Variants in PROZ observed in about 807,000 individuals in gnomAD.
The protein encoded by PROZ is vitamin K-dependent protein Z.
PROZ carries 46 observed loss-of-function variants against 34.9 expected under a neutral mutation model. The observed-to-expected ratio is 1.32, with a 90% CI of 1.04 to 1.69. The LOEUF is 1.69. Ranked by LOEUF, PROZ falls within the 40% of genes most tolerant of loss-of-function variation. PROZ has a pLI of 0.00. For synonymous variants in PROZ, 195 were observed against 208.5 expected (o/e 0.94, Z 0.56); for missense variants, 530 against 520.4 (o/e 1.02, Z -0.18).
chr13:113,170,318 T>TG (rs1235222119), intron 6 of PROZ, 95 bp from the exon 7 acceptor site: 21 of 597,668 alleles, frequency 3.5e-5, no homozygotes, highest in African/African-American at 1.0e-4. Flanking sequence ...GGGGTGGGGG[T>TG]GGGGGGGTGG....
At chr13:113,164,302 A>T (rs538112242) in intron 4 of PROZ, among the ~76,000 whole-genome samples, 1 of 152,084 alleles carries the variant, frequency 6.6e-6, no homozygotes, top group Non-Finnish European at 1.5e-5. Context: ...TTTGTTCTAC[A>T]TGCACATTCC....
intron 6 of PROZ, among the ~76,000 whole-genome samples, chr13:113,168,553 G>A (rs2037016212): frequency 6.6e-6 from 1 of 152,190 alleles, no homozygotes; most frequent in Non-Finnish European, 1.5e-5. Context: ...GTCCTTACCT[G>A]TGGCACTTTT....
chr13:113,159,731 T>C lies in PROZ; in HGVS notation c.71-283T>C, dbSNP rs1262949081. On this transcript the variant is annotated intron_variant, in intron 1 of 7. Coordinates refer to ENST00000375547, the MANE Select transcript of PROZ (RefSeq NM_003891.3). The surrounding 1 kb of genome is among the most constrained non-coding windows in gnomAD (Gnocchi z 4.6). ...TTCGCACTCAGACCCAAAACCCAGT[T>C]GGAGCCCTCCCTCCTCCACTTTCCT... 1.3e-5 allele frequency among the ~76,000 whole-genome samples: 2 copies of C among 152,348 alleles called. No homozygotes were observed.
At chr13:113,164,666 G>A (rs927757476) in intron 5 of PROZ, 22 bp downstream of exon 5, 4 of 1,612,652 alleles carry the variant, frequency 2.5e-6, no homozygotes, top group African/African-American at 1.3e-5. Context: ...GACCACAGCG[G>A]CCTCCAGCTT....
chr13:113,167,718 T>G (rs1453753647), intron 6 of PROZ, among the ~76,000 whole-genome samples: 1 of 152,240 alleles, frequency 6.6e-6, no homozygotes, highest in African/African-American at 2.4e-5. Flanking sequence ...TATAATTGGC[T>G]TTCATTTTTA....
chr13:113,160,861 A>C (rs2036746651), intron 2 of PROZ, 87 bp from the exon 3 acceptor site: 1 of 1,235,112 alleles, frequency 8.1e-7, no homozygotes, highest in Non-Finnish European at 1.2e-6. Flanking sequence ...TAAAATCAAC[A>C]TTTTCTTACC....
At position 113,172,255 on chromosome 13, in the gene PROZ, G is replaced by A. The variant is rs945355575; in HGVS notation, c.*150G>A. ...GCTTGGCCCACGCAGCAGCAGAGCC[G>A]CCGTTTGCTGGGTTGTTTACCGAGC... On this transcript the variant is annotated 3_prime_UTR_variant, in exon 8 of 8. Coordinates refer to ENST00000375547, the MANE Select transcript of PROZ (RefSeq NM_003891.3). 3.4e-5 allele frequency: 37 copies of A among 1,078,934 alleles called. No individual in the cohort carries two copies. Among genetic ancestry groups the A allele is most frequent in the African/African-American group, 2.2e-4 (14 of 64,024 alleles). 66.8% of individuals were successfully genotyped at this position (1,078,934 alleles called of 1,614,324 possible). A position where few individuals can be genotyped will look rare whatever the true frequency, so the allele number is the denominator to read the frequency against.
chr13:113,162,926 ATTCCTGTCACCACCCC>A (rs2036787837), intron 3 of PROZ, 67 bp from the exon 4 acceptor site: 2 of 446,294 alleles, frequency 4.5e-6, no homozygotes, highest in African/African-American at 6.3e-5. Context: ...TCAGGTCCCC[ATTCCTGTCACCACCCC>A]CACCCTCCTC....
chr13:113,161,014 G>A (rs41286612), intron 3 of PROZ, 42 bp downstream of exon 3: 76,892 of 1,570,852 alleles, frequency 0.049, 2,194 homozygotes, highest in Middle Eastern at 0.084. Flanking sequence ...TTAATTCCTC[G>A]GGATGAGGTG....
intron 6 of PROZ, among the ~76,000 whole-genome samples, chr13:113,167,323 A>G (rs544956517): frequency 6.6e-6 from 1 of 152,344 alleles, no homozygotes; most frequent in South Asian, 2.1e-4. Flanking sequence ...AACAAGTGGC[A>G]GCTATTATTC....
chr13:113,168,696 A>G (rs2037019865), intron 6 of PROZ, among the ~76,000 whole-genome samples: 2 of 152,200 alleles, frequency 1.3e-5, no homozygotes, highest in Admixed American at 1.3e-4. Flanking sequence ...TTTGTGGGCT[A>G]ATATCGCTTG....
chr13:113,164,987 A>G, intron 5 of PROZ, 66 bp from the exon 6 acceptor site: 1 of 1,471,568 alleles, frequency 6.8e-7, no homozygotes, highest in Non-Finnish European at 9.5e-7. Context: ...TTAACACCAT[A>G]GACAGAGTCC....
rs759057455 is a variant in PROZ, at chr13:113,160,094, G to A, written c.151G>A (p.Glu51Lys). Residue 51 changes from glutamate to lysine, a missense_variant, in exon 2 of 8, where the codon GAG (glutamate) becomes AAG (lysine). Glu to Lys is a moderately conservative substitution (Grantham distance 56). Transcript: ENST00000375547. The stretch of plus-strand genomic sequence containing the variant: ...CTCCTATCTTCTGGAAGAACTCTTC[G>A]AGGGAAACTTGGAAAAAGAATGTTA... ...AGSYLLEELF[E>K]GNLEKECYEE... 47 of 1,614,014 alleles carry A rather than the reference G, an allele frequency of 2.9e-5. No homozygotes were observed. Among genetic ancestry groups the A allele is most frequent in the Middle Eastern group, 1.6e-4 (1 of 6,084 alleles).
rs2037098758 is a variant in PROZ at position 113,171,159 on chromosome 13, G to A, written c.692-435G>A. 6.6e-6 allele frequency among the ~76,000 whole-genome samples: 1 copy of A among 152,182 alleles called. No individual in the cohort carries two copies. Among genetic ancestry groups the A allele is most frequent in the African/African-American group, 2.4e-5 (1 of 41,444 alleles). On this transcript the variant is annotated intron_variant, in intron 7 of 7. Coordinates refer to ENST00000375547, the MANE Select transcript of PROZ (RefSeq NM_003891.3). The surrounding 1 kb of genome is among the most constrained non-coding windows in gnomAD (Gnocchi z 5.1). ...AGCTGGTCTTTACTCCTGGCCTTAA[G>A]TGATCGACCTGCCTCGGCCTCCCGA...
rs1173732714 is a variant in PROZ, at chr13:113,158,964, G to T, written c.70+234G>T. ...GAGATGCCCAAATGGAAAGAAGCCT[G>T]TGTGCAGGGGATTCAGCCGGGAAAG... is the stretch of plus-strand genomic sequence containing the variant. On this transcript the variant is annotated intron_variant, in intron 1 of 7. Transcript: ENST00000375547. The surrounding 1 kb of genome is among the most constrained non-coding windows in gnomAD (Gnocchi z 4.3). Among the ~76,000 whole-genome samples the T allele has an allele frequency of 6.6e-5, 10 of 151,136 alleles. No homozygotes were observed. Among genetic ancestry groups the T allele is most frequent in the Non-Finnish European group, 1.3e-4 (9 of 67,868 alleles).
chr13:113,163,421 G>C (rs2036810550), intron 4 of PROZ, among the ~76,000 whole-genome samples: 2 of 152,250 alleles, frequency 1.3e-5, no homozygotes, highest in South Asian at 4.1e-4. Flanking sequence ...TCACAGGCTG[G>C]GGGGGTCACA....
At chr13:113,166,697 T>C (rs1339565078) in intron 6 of PROZ, among the ~76,000 whole-genome samples, 3 of 152,240 alleles carry the variant, frequency 2.0e-5, no homozygotes, top group Non-Finnish European at 4.4e-5. Flanking sequence ...TTTATCACTT[T>C]TCCTGCCCAA....
chr13:113,166,607 G>A (rs765562160), intron 6 of PROZ, among the ~76,000 whole-genome samples: 6 of 152,220 alleles, frequency 3.9e-5, no homozygotes, highest in Non-Finnish European at 8.8e-5. Flanking sequence ...CCGAAGGGAG[G>A]CAAAGCAGAC....
chr13:113,169,998 G>A (rs2037061204), intron 6 of PROZ, among the ~76,000 whole-genome samples: 1 of 152,190 alleles, frequency 6.6e-6, no homozygotes. Context: ...TAGGGAGTCA[G>A]CAGGGCTCCA....
Sources: gnomAD v4.1 joint callset for allele counts (sites outside exome capture counted in the v4.1 genomes callset) on GRCh38, gnomAD v4.1.1 for gene constraint, Gnocchi (gnomAD v3.1) non-coding constraint, MANE v1.5 for transcripts, NCBI Gene and HGNC (gene_info 2026-07-23, HGNC 2026-07-21) for gene names.